MTUS2: variants seen among roughly 807,000 people sequenced by gnomAD.
MTUS2 encodes the protein microtubule associated scaffold protein 2.
A neutral mutation model predicts 114.1 loss-of-function variants in MTUS2; 40 were observed. That is an observed-to-expected ratio of 0.35 (90% CI 0.27 to 0.46). The LOEUF (loss-of-function observed/expected upper bound fraction) is 0.46, where lower values mean the gene tolerates loss of function less well. Among genes scored for constraint, MTUS2 ranks in the 20% least tolerant of loss-of-function variants. MTUS2 has a pLI of 1.00. For synonymous variants in MTUS2, 688 were observed against 672.0 expected (o/e 1.02, Z -0.37); for missense variants, 1,679 against 1,705.4 (o/e 0.98, Z 0.27).
At chr13:28,903,867 CA>C (rs201173704) in intron 2 of MTUS2, among the ~76,000 whole-genome samples, 19,271 of 151,972 alleles carry the variant, frequency 0.13, 1,454 homozygotes, top group African/African-American at 0.2. Flanking sequence ...AACTAGTTTA[CA>C]GTCCCACCAA....
chr13:28,840,561 A>G (rs1164070685), intron 2 of MTUS2, among the ~76,000 whole-genome samples: 5 of 152,360 alleles, frequency 3.3e-5, no homozygotes, highest in African/African-American at 7.2e-5. Context: ...CAAATTACCC[A>G]TCTTTAAATC....
chr13:29,250,102 G>A (rs1378402788), intron 5 of MTUS2, among the ~76,000 whole-genome samples: 2 of 152,020 alleles, frequency 1.3e-5, no homozygotes, highest in South Asian at 2.1e-4. Context: ...TTTAAATAAA[G>A]TCTAAATTCT....
At chr13:28,933,077 C>A (rs909805005) in intron 2 of MTUS2, among the ~76,000 whole-genome samples, 8 of 151,460 alleles carry the variant, frequency 5.3e-5, no homozygotes, top group African/African-American at 1.9e-4. Flanking sequence ...TCTGTTTACT[C>A]ATTCAATGTA....
chr13:28,931,264 A>G (rs1158194993), intron 2 of MTUS2, among the ~76,000 whole-genome samples: 2 of 152,356 alleles, frequency 1.3e-5, no homozygotes, highest in South Asian at 2.1e-4. Flanking sequence ...TAGCAATACA[A>G]TGATAAAAAT....
At chr13:28,894,520 G>C (rs1399160060) in intron 2 of MTUS2, among the ~76,000 whole-genome samples, 2 of 152,144 alleles carry the variant, frequency 1.3e-5, no homozygotes, top group Admixed American at 6.5e-5. Context: ...ATAAATTTCT[G>C]TTGTTTGAGC....
intron 9 of MTUS2, 29 bp downstream of exon 9, chr13:29,440,078 T>C: frequency 6.4e-7 from 1 of 1,557,750 alleles, no homozygotes; most frequent in Non-Finnish European, 8.7e-7. Flanking sequence ...ATGAGGAGCA[T>C]AAAGAATGTC....
intron 4 of MTUS2, among the ~76,000 whole-genome samples, chr13:29,087,902 C>CA (rs1177661676): frequency 5.3e-5 from 8 of 151,812 alleles, no homozygotes; most frequent in African/African-American, 1.7e-4. Context: ...TCTAAAAACA[C>CA]AAAAAAATTA....
intron 2 of MTUS2, among the ~76,000 whole-genome samples, chr13:29,009,432 C>A (rs1054495371): frequency 6.6e-6 from 1 of 151,672 alleles, no homozygotes; most frequent in Non-Finnish European, 1.5e-5. Context: ...ATAATATAAT[C>A]TAGGTTTATC....
intron 2 of MTUS2, among the ~76,000 whole-genome samples, chr13:28,891,904 C>T (rs939887492): frequency 1.9e-4 from 28 of 145,856 alleles, no homozygotes; most frequent in African/African-American, 6.0e-4. Flanking sequence ...AAGGACAAAA[C>T]CTTATCTCTA....
At chr13:29,190,462 A>G (rs1349439348) in intron 5 of MTUS2, among the ~76,000 whole-genome samples, 3 of 152,216 alleles carry the variant, frequency 2.0e-5, no homozygotes, top group African/African-American at 7.2e-5. Context: ...TGGAACTGGT[A>G]GCCCACATGC....
At chr13:29,105,371 G>A (rs1398880768) in intron 5 of MTUS2, among the ~76,000 whole-genome samples, 1 of 152,160 alleles carries the variant, frequency 6.6e-6, no homozygotes, top group African/African-American at 2.4e-5. Context: ...AATGAAAATA[G>A]ATCATATCGC....
chr13:28,871,563 T>C (rs910196843), intron 2 of MTUS2, among the ~76,000 whole-genome samples: 2 of 152,248 alleles, frequency 1.3e-5, no homozygotes, highest in Non-Finnish European at 2.9e-5. Flanking sequence ...GTGCTTACTA[T>C]ATACCAACTA....
intron 8 of MTUS2, among the ~76,000 whole-genome samples, chr13:29,401,041 G>T (rs549181369): frequency 6.6e-6 from 1 of 152,290 alleles, no homozygotes; most frequent in East Asian, 1.9e-4. Flanking sequence ...AGGCTGGAGT[G>T]CAGTGGCACA....
intron 2 of MTUS2, among the ~76,000 whole-genome samples, chr13:28,891,189 G>A (rs1047813136): frequency 4.6e-5 from 7 of 152,180 alleles, no homozygotes; most frequent in African/African-American, 1.7e-4. Flanking sequence ...AATGCTATGA[G>A]CACCTGGAAG....
At chr13:29,198,874 T>G (rs1479954850) in intron 5 of MTUS2, among the ~76,000 whole-genome samples, 3 of 152,152 alleles carry the variant, frequency 2.0e-5, no homozygotes, top group Non-Finnish European at 2.9e-5. Flanking sequence ...TGTTTGTCTA[T>G]TATTGATGTA....
intron 2 of MTUS2, among the ~76,000 whole-genome samples, chr13:28,939,830 A>G (rs1036388895): frequency 6.6e-6 from 1 of 152,228 alleles, no homozygotes; most frequent in African/African-American, 2.4e-5. Context: ...TATAAAGGAA[A>G]GAAGTTTAAT....
intron 2 of MTUS2, among the ~76,000 whole-genome samples, chr13:28,911,342 A>AT (rs1880418619): frequency 6.7e-6 from 1 of 148,488 alleles, no homozygotes; most frequent in East Asian, 2.0e-4. Flanking sequence ...TGCCCAGCTA[A>AT]TTTTTTGTAT....
intron 5 of MTUS2, among the ~76,000 whole-genome samples, chr13:29,221,096 C>T (rs12586107): frequency 0.15 from 22,104 of 152,134 alleles, 1,826 homozygotes; most frequent in East Asian, 0.31. Flanking sequence ...CCTAATGCCC[C>T]ATGTCACCCA....
intron 8 of MTUS2, among the ~76,000 whole-genome samples, chr13:29,376,832 G>A (rs1871786941): frequency 6.6e-6 from 1 of 152,032 alleles, no homozygotes; most frequent in Admixed American, 6.6e-5. Context: ...TAGTATGTGT[G>A]GCAATAATGA....
Sources: allele counts gnomAD v4.1 joint callset (sites outside exome capture counted in the v4.1 genomes callset), GRCh38; gene constraint gnomAD v4.1.1; transcripts MANE v1.5; gene names NCBI Gene and HGNC (gene_info 2026-07-23, HGNC 2026-07-21).